The following CEP170B variants were observed in gnomAD, a reference collection of about 807,000 sequenced individuals.
CEP170B encodes centrosomal protein of 170 kDa protein B.
A neutral mutation model predicts 120.6 loss-of-function variants in CEP170B; 55 were observed. The observed-to-expected ratio is 0.46, with a 90% CI of 0.37 to 0.57. CEP170B has a LOEUF of 0.57. Ranked by LOEUF, CEP170B falls within the 20% of genes least tolerant of loss-of-function variation. The pLI is 0.00. For synonymous variants in CEP170B, 1,033 were observed against 954.5 expected (o/e 1.08, Z -1.52); for missense variants, 2,212 against 2,253.3 (o/e 0.98, Z 0.37).
chr14:104,892,942 GTGCAGAACCTGCCGTCTTTCC>G lies in CEP170B; in HGVS notation c.3879-30_3879-10del. Reference sequence around the variant, plus strand: ...GGCCCCTGCTGCCCCGACTTCCTCTGTGCAGAACCTGCCGTCTTTCCTGCCGGCTGCAGGCTGAGCCAGACG... The same window carrying G: ...GGCCCCTGCTGCCCCGACTTCCTCTGTGCCGGCTGCAGGCTGAGCCAGACG... On this transcript the variant is annotated splice_polypyrimidine_tract_variant and intron_variant, in intron 13 of 18. Transcript: ENST00000414716. 6.4e-7 allele frequency: 1 copy of G among 1,551,056 alleles called. No homozygotes were observed. The highest frequency in any genetic ancestry group is 8.7e-7 in the Non-Finnish European group (1 of 1,147,398).
rs1896588505 is a variant in CEP170B at position 104,887,498 on chromosome 14, C to T, written c.3259C>T (p.Pro1087Ser). 2.5e-6 allele frequency: 4 copies of T among 1,611,894 alleles called. No homozygotes were observed. The highest frequency in any genetic ancestry group is 3.4e-6 in the Non-Finnish European group (4 of 1,179,642). ...GSRRKPAAPP[P>S]SPAAREEQSR... ...TCGCCGGAAACCAGCGGCCCCACCG[C>T]CATCCCCAGCTGCCCGGGAGGAGCA... Residue 1087 changes from proline (P) to serine (S), a missense_variant, in exon 12 of 19, where the codon CCA becomes TCA. Coordinates refer to ENST00000414716, the MANE Select transcript of CEP170B (RefSeq NM_001112726.3).
intron 6 of CEP170B, among the ~76,000 whole-genome samples, chr14:104,880,927 C>T (rs1896119336): frequency 6.6e-6 from 1 of 152,022 alleles, no homozygotes; most frequent in Non-Finnish European, 1.5e-5. Flanking sequence ...CACACCCACA[C>T]TGCTCACCCC....
intron 2 of CEP170B, among the ~76,000 whole-genome samples, chr14:104,871,071 C>T (rs1338200145): frequency 1.3e-5 from 2 of 152,080 alleles, no homozygotes; most frequent in Non-Finnish European, 2.9e-5. Context: ...TTGCACCTGC[C>T]GCCCCTCCCT....
intron 2 of CEP170B, among the ~76,000 whole-genome samples, chr14:104,872,809 C>T (rs1031061562): frequency 3.9e-5 from 6 of 152,192 alleles, no homozygotes; most frequent in Non-Finnish European, 8.8e-5. Flanking sequence ...ACAGCTGGGC[C>T]AGGCTGTTGC....
At chr14:104,878,783 C>T (rs1001178670) in intron 5 of CEP170B, among the ~76,000 whole-genome samples, 2 of 151,430 alleles carry the variant, frequency 1.3e-5, no homozygotes, top group Admixed American at 6.6e-5. Flanking sequence ...CATCCGGGCT[C>T]TGGGAGGGGC....
intron 10 of CEP170B, among the ~76,000 whole-genome samples, chr14:104,885,759 G>A (rs938062173): frequency 6.6e-6 from 1 of 152,200 alleles, no homozygotes; most frequent in Non-Finnish European, 1.5e-5. Flanking sequence ...CGGGCTCTGA[G>A]GTCAGGACAG....
intron 2 of CEP170B, among the ~76,000 whole-genome samples, chr14:104,869,045 G>A (rs1172467935): frequency 1.3e-5 from 2 of 152,192 alleles, no homozygotes; most frequent in Admixed American, 6.5e-5. Flanking sequence ...GCGGCCTCCA[G>A]GCATGAGGGG....
intron 1 of CEP170B, among the ~76,000 whole-genome samples, chr14:104,866,170 G>C (rs958900071): frequency 2.0e-5 from 3 of 152,172 alleles, no homozygotes; most frequent in Non-Finnish European, 4.4e-5. Context: ...GGCCGTTTTG[G>C]AGCGTCGCGG....
At position 104,885,574 on chromosome 14, in the gene CEP170B, G is replaced by T. The variant is rs1373637366; in HGVS notation, c.1944+32G>T. On this transcript the variant is annotated intron_variant, in intron 10 of 18. Transcript: ENST00000414716. ...GCACAGACGGCCACCCCAAGGAGGG[G>T]CTGGGCAGGAAGAGGGCAGCATCCA... 2.6e-6 allele frequency: 4 copies of T among 1,531,692 alleles called. No homozygotes were observed. In the African/African-American group the frequency reaches 4.1e-5, roughly 16 times the overall value. 94.9% of individuals were successfully genotyped at this position (1,531,692 alleles called of 1,614,324 possible).
chr14:104,873,713 A>T (rs1895692853), intron 2 of CEP170B, among the ~76,000 whole-genome samples: 1 of 152,062 alleles, frequency 6.6e-6, no homozygotes, highest in Non-Finnish European at 1.5e-5. Context: ...TCCACTCCTC[A>T]GCAGAGATGA....
chr14:104,868,406 C>T lies in CEP170B; in HGVS notation c.-27-18C>T. 3 of 1,524,334 alleles carry T rather than the reference C, an allele frequency of 2.0e-6. No homozygotes were observed. Among genetic ancestry groups the T allele is most frequent in the Non-Finnish European group, 2.7e-6 (3 of 1,127,246 alleles). The allele number at this position is 1,524,334 out of a possible 1,614,324, so 94.4% of individuals were successfully genotyped here. On this transcript the variant is annotated intron_variant, in intron 1 of 18. Coordinates refer to ENST00000414716, the MANE Select transcript of CEP170B (RefSeq NM_001112726.3). The surrounding 1 kb of genome is among the most constrained non-coding windows in gnomAD (Gnocchi z 5.9). ...ACCAGGCCAGGGAGCCCCACTCTAA[C>T]AATCCCCTCTTCCCCAGGGCCAGAC...
Position 104,886,886 on chromosome 14 carries a change from C to T in CEP170B, c.2647C>T (p.Pro883Ser), listed in dbSNP as rs1156649432. Residue 883 changes from proline to serine, a missense_variant, in exon 12 of 19, where the codon CCC becomes TCC. By Grantham distance (74) the Pro-to-Ser change is moderately conservative. Coordinates refer to ENST00000414716, the MANE Select transcript of CEP170B (RefSeq NM_001112726.3). Reference protein sequence around the residue: ...PASGPPAPGKPPHISSHPLLQ... With the variant: ...PASGPPAPGKSPHISSHPLLQ... The stretch of plus-strand genomic sequence containing the variant: ...CAGTGGTCCCCCAGCGCCCGGCAAG[C>T]CCCCCCACATCTCCAGCCACCCGCT... The T allele has an allele frequency of 8.7e-6, 14 of 1,610,038 alleles. No homozygotes were observed. Among genetic ancestry groups the T allele is most frequent in the Non-Finnish European group, 1.2e-5 (14 of 1,179,762 alleles).
chr14:104,875,730 G>A (rs1030151011), intron 2 of CEP170B, among the ~76,000 whole-genome samples: 2 of 152,228 alleles, frequency 1.3e-5, no homozygotes, highest in Non-Finnish European at 2.9e-5. Flanking sequence ...TTGGACGACC[G>A]GGCTTGACCT....
chr14:104,877,015 T>C (rs1461747241), intron 3 of CEP170B, among the ~76,000 whole-genome samples: 1 of 152,046 alleles, frequency 6.6e-6, no homozygotes, highest in African/African-American at 2.4e-5. Context: ...TGGATGTCTC[T>C]GTCTGTTGCT....
chr14:104,875,570 C>G (rs926715875), intron 2 of CEP170B, among the ~76,000 whole-genome samples: 11 of 152,020 alleles, frequency 7.2e-5, no homozygotes, highest in African/African-American at 2.7e-4. Context: ...GGGTGGGCAG[C>G]AGCTGTGCTC....
chr14:104,882,525 CAGGGAGGGGCCAGTG>C (rs1189448652), intron 6 of CEP170B, among the ~76,000 whole-genome samples, 188 bp from the exon 7 acceptor site: 17 of 151,940 alleles, frequency 1.1e-4, no homozygotes, highest in African/African-American at 4.1e-4. Flanking sequence ...TGGGGCCAGG[CAGGGAGGGGCCAGTG>C]AGCCACCTCG....
At chr14:104,872,288 GCGTGTGTGTGCCA>G (rs1895555681) in intron 2 of CEP170B, among the ~76,000 whole-genome samples, 2 of 21,520 alleles carry the variant, frequency 9.3e-5, no homozygotes, top group South Asian at 1.3e-3. Flanking sequence ...TGTGTGTGCC[GCGTGTGTGTGCCA>G]TGGGTGTGCG....
chr14:104,872,145 CGTGT>C (rs1335584168), intron 2 of CEP170B, among the ~76,000 whole-genome samples: 4 of 144,810 alleles, frequency 2.8e-5, no homozygotes, highest in Non-Finnish European at 6.1e-5. Context: ...GTGTGTGTGC[CGTGT>C]GTGTGCGTGT....
intron 6 of CEP170B, among the ~76,000 whole-genome samples, chr14:104,880,629 AC>A (rs1896097942): frequency 6.6e-6 from 1 of 150,606 alleles, no homozygotes; most frequent in Non-Finnish European, 1.5e-5. Context: ...CACATTCCTC[AC>A]CCATTGCACA....
Sources: allele counts gnomAD v4.1 joint callset (sites outside exome capture counted in the v4.1 genomes callset), GRCh38; gene constraint gnomAD v4.1.1; non-coding constraint Gnocchi (gnomAD v3.1); transcripts MANE v1.5; gene names NCBI Gene and HGNC (gene_info 2026-07-23, HGNC 2026-07-21).